Variants in STAM observed in about 807,000 individuals in gnomAD.
The protein encoded by STAM is signal transducing adaptor molecule, also known as signal transducing adapter molecule 1.
Under a neutral mutation model 63.4 loss-of-function variants are expected in STAM, and 16 were observed. That is an observed-to-expected ratio of 0.25 (90% confidence interval 0.17 to 0.38). The LOEUF (loss-of-function observed/expected upper bound fraction) is 0.38, where lower values mean the gene tolerates loss of function less well. STAM is among the 10% of genes least tolerant of loss of function. The pLI is 1.00. For synonymous variants in STAM, 238 were observed against 223.9 expected (o/e 1.06, Z -0.56); for missense variants, 636 against 657.1 (o/e 0.97, Z 0.35).
chr10:17,669,215 T>A (rs941317031), intron 2 of STAM, among the ~76,000 whole-genome samples: 2 of 152,186 alleles, frequency 1.3e-5, no homozygotes, highest in South Asian at 4.1e-4. Context: ...TTGAAATATT[T>A]CTTTTATATA....
intron 2 of STAM, among the ~76,000 whole-genome samples, chr10:17,669,412 A>C (rs61842296): frequency 0.11 from 15,857 of 146,118 alleles, 910 homozygotes; most frequent in Middle Eastern, 0.17. Context: ...TCCTACTCTC[A>C]TTAAATAAAC....
At chr10:17,650,662 T>C (rs1833700522) in intron 1 of STAM, among the ~76,000 whole-genome samples, 2 of 152,340 alleles carry the variant, frequency 1.3e-5, no homozygotes, top group South Asian at 4.1e-4. Context: ...ATTAGTACAG[T>C]AGCTTCCAGC....
intron 12 of STAM, among the ~76,000 whole-genome samples, chr10:17,706,702 G>C (rs1352688298): frequency 6.6e-6 from 1 of 151,798 alleles, no homozygotes; most frequent in Admixed American, 6.6e-5. Context: ...TTAAAGCTTC[G>C]TATGTAATTA....
rs1463207833 is a variant in STAM at position 17,644,396 on chromosome 10, C to G, written c.40+17C>G. The G allele has an allele frequency of 3.7e-6, 6 of 1,613,990 alleles. No homozygotes were observed. Among genetic ancestry groups the G allele is most frequent in the Non-Finnish European group, 5.1e-6 (6 of 1,179,998 alleles). On this transcript the variant is annotated intron_variant, in intron 1 of 13. Coordinates refer to ENST00000377524, the MANE Select transcript of STAM (RefSeq NM_003473.4). The stretch of plus-strand genomic sequence containing the variant: ...AGGATGTTGGTAAGTGTTTTTGCCT[C>G]TCCCTGCCCATTCCTCACCGGACTG...
At chr10:17,675,799 A>ATT (rs5783557) in intron 2 of STAM, among the ~76,000 whole-genome samples, 1 of 151,328 alleles carries the variant, frequency 6.6e-6, no homozygotes, top group Admixed American at 6.6e-5. Context: ...TACCTATTGA[A>ATT]TTTTTTTTTA....
intron 5 of STAM, among the ~76,000 whole-genome samples, chr10:17,690,696 T>G (rs528844595): frequency 6.6e-6 from 1 of 152,346 alleles, no homozygotes; most frequent in South Asian, 2.1e-4. Context: ...TGAAGATATA[T>G]TTTTCTAAGT....
In STAM at chr10:17,684,926, A is replaced by C; in HGVS notation, c.296A>C (p.Lys99Thr). 6.2e-7 allele frequency: 1 copy of C among 1,608,380 alleles called. No homozygotes were observed. Among genetic ancestry groups the C allele is most frequent in the Non-Finnish European group, 8.5e-7 (1 of 1,176,076 alleles). The stretch of plus-strand genomic sequence containing the variant: ...AGTGAAGTAAGCAACGTATTAAATA[A>C]GGTAAGGAGCATTATTTCCAGAAAT... ...FASEVSNVLN[K>T]GHPKVCEKLK... is the part of the protein sequence containing the mutation. The change falls in exon 4 of 14, where the codon AAG becomes ACG. Residue 99 changes from lysine to threonine, a missense_variant and splice_region_variant. By Grantham distance (78) the Lys-to-Thr change is moderately conservative (BLOSUM62 -1). Coordinates refer to ENST00000377524, the MANE Select transcript of STAM (RefSeq NM_003473.4).
chr10:17,682,846 T>G (rs1389896333), intron 2 of STAM, among the ~76,000 whole-genome samples: 1 of 152,238 alleles, frequency 6.6e-6, no homozygotes, highest in African/African-American at 2.4e-5. Flanking sequence ...TGTTGAAGTT[T>G]CCAGTAGATT....
At chr10:17,689,009 G>C (rs1468222054) in intron 5 of STAM, among the ~76,000 whole-genome samples, 1 of 152,110 alleles carries the variant, frequency 6.6e-6, no homozygotes, top group Admixed American at 6.5e-5. Context: ...TCCTTAGTAA[G>C]AGCCGACCAG....
intron 13 of STAM, among the ~76,000 whole-genome samples, chr10:17,711,725 C>G (rs1275567644): frequency 6.6e-6 from 1 of 152,104 alleles, no homozygotes; most frequent in Non-Finnish European, 1.5e-5. Flanking sequence ...AGCACACTTA[C>G]CAAGGGTTGA....
At chr10:17,712,524 C>G (rs1485819042) in intron 13 of STAM, among the ~76,000 whole-genome samples, 1 of 152,128 alleles carries the variant, frequency 6.6e-6, no homozygotes, top group African/African-American at 2.4e-5. Flanking sequence ...GAATTTGTGC[C>G]AAGTACAAGA....
At chr10:17,710,674 A>C (rs1329603681) in intron 13 of STAM, among the ~76,000 whole-genome samples, 5 of 152,070 alleles carry the variant, frequency 3.3e-5, no homozygotes, top group Non-Finnish European at 5.9e-5. Context: ...TTGTATCCCC[A>C]CTGAAGACAG....
chr10:17,656,160 G>A (rs894890371), intron 1 of STAM, among the ~76,000 whole-genome samples: 3 of 151,888 alleles, frequency 2.0e-5, no homozygotes, highest in Admixed American at 1.3e-4. Flanking sequence ...TGGACGTTGT[G>A]GCATGTGCCT....
intron 1 of STAM, among the ~76,000 whole-genome samples, chr10:17,656,162 C>G (rs1833929876): frequency 6.6e-6 from 1 of 151,870 alleles, no homozygotes; most frequent in African/African-American, 2.4e-5. Flanking sequence ...GACGTTGTGG[C>G]ATGTGCCTGT....
rs189092661 is a variant in STAM at position 17,715,573 on chromosome 10, G to C, written c.*793G>C. 6.6e-6 allele frequency: 1 copy of C among 152,572 alleles called. No homozygotes were observed. The highest frequency in any genetic ancestry group is 1.5e-5 in the Non-Finnish European group (1 of 68,012). 9.5% of individuals were successfully genotyped at this position (152,572 alleles called of 1,614,324 possible). A position where few individuals can be genotyped will look rare whatever the true frequency, so the allele number is the denominator to read the frequency against. On this transcript the variant is annotated 3_prime_UTR_variant, in exon 14 of 14. Coordinates refer to ENST00000377524, the MANE Select transcript of STAM (RefSeq NM_003473.4). ...ACATTTCAGAGTATTGTGGGACCAT[G>C]AGACAAAATTAAGTACGATCACATT...
chr10:17,713,318 T>G (rs1836645587), intron 13 of STAM, among the ~76,000 whole-genome samples: 1 of 152,228 alleles, frequency 6.6e-6, no homozygotes, highest in Admixed American at 6.5e-5. Context: ...ATGCCGTGGA[T>G]CTGCCGAGGA....
intron 2 of STAM, among the ~76,000 whole-genome samples, chr10:17,661,521 A>G (rs1554822880): frequency 6.6e-6 from 1 of 152,208 alleles, no homozygotes; most frequent in Admixed American, 6.5e-5. Context: ...TTACTCAAGC[A>G]CTAGTCTTAT....
intron 2 of STAM, chr10:17,673,064 C>T: frequency 2.2e-5 from 22 of 984,946 alleles, no homozygotes; most frequent in Non-Finnish European, 2.7e-5. Flanking sequence ...GAGGATTTGC[C>T]CACCCTTTAA....
At chr10:17,656,309 A>G (rs1018268802) in intron 1 of STAM, among the ~76,000 whole-genome samples, 2 of 151,972 alleles carry the variant, frequency 1.3e-5, no homozygotes, top group South Asian at 2.1e-4. Flanking sequence ...AAAAAAAAAA[A>G]AAAAAGATAG....
Sources: allele counts gnomAD v4.1 joint callset (sites outside exome capture counted in the v4.1 genomes callset), GRCh38; gene constraint gnomAD v4.1.1; transcripts MANE v1.5; gene names NCBI Gene and HGNC (gene_info 2026-07-23, HGNC 2026-07-21).